UBE2J2: variants seen among roughly 807,000 people sequenced by gnomAD.
The protein encoded by UBE2J2 is ubiquitin conjugating enzyme E2 J2.
In UBE2J2, 5 loss-of-function variants were observed where a neutral mutation model predicts 28.6. The ratio of observed to expected loss-of-function variants is 0.17; its 90% CI spans 0.09 to 0.37. The LOEUF (loss-of-function observed/expected upper bound fraction) is 0.37, where lower values mean the gene tolerates loss of function less well. UBE2J2 is among the 10% of genes least tolerant of loss of function. UBE2J2 has a pLI of 1.00. For missense variants in UBE2J2, 226 were observed against 338.9 expected (o/e 0.67, Z 2.62); for synonymous variants, 138 against 139.7 (o/e 0.99, Z 0.09).
At chr1:1,265,577 GTGTGTGTGTGTGTGTTT>G (rs1425441650) in intron 2 of UBE2J2, among the ~76,000 whole-genome samples, 1 of 150,366 alleles carries the variant, frequency 6.7e-6, no homozygotes, top group Non-Finnish European at 1.5e-5. Flanking sequence ...GTGTGTGTGT[GTGTGTGTGTGTGTGTTT>G]TCTCTCCATT....
At position 1,256,320 on chromosome 1, in the gene UBE2J2, A is replaced by G. The variant is rs1639168985; in HGVS notation, c.415-195T>C. The G allele has an allele frequency of 1.7e-5, 9 of 526,578 alleles. No individual in the cohort carries two copies. The South Asian group carries it at 2.0e-4, about 12-fold the overall frequency. The allele number at this position is 526,578 out of a possible 1,614,324, so 32.6% of individuals were successfully genotyped here. A position where few individuals can be genotyped will look rare whatever the true frequency, so the allele number is the denominator to read the frequency against. ...CTTCCCCCCATCAATTCATGATATC[A>G]CACTTGATTCCTATTAAAGACAGGG... On this transcript the variant is annotated intron_variant, in intron 5 of 6. Coordinates refer to ENST00000349431, the MANE Select transcript of UBE2J2 (RefSeq NM_058167.3).
At chr1:1,259,947 CGT>C (rs1491410452) in intron 3 of UBE2J2, among the ~76,000 whole-genome samples, 2 of 152,242 alleles carry the variant, frequency 1.3e-5, no homozygotes, top group Non-Finnish European at 2.9e-5. Context: ...GCCTCCCGCA[CGT>C]GTTTCCCTCG....
At chr1:1,263,101 T>C in intron 3 of UBE2J2, 3 of 476,948 alleles carry the variant, frequency 6.3e-6, no homozygotes, top group South Asian at 2.5e-5. Flanking sequence ...GCTATGGCCC[T>C]ATGGTGTCAG....
Position 1,267,611 on chromosome 1 carries a change from C to T in UBE2J2, c.131+251G>A, listed in dbSNP as rs553402418. The T allele has an allele frequency of 4.0e-5, 39 of 963,566 alleles. No homozygotes were observed. The East Asian group carries it at 1.3e-3, about 33-fold the overall frequency. 59.7% of individuals were successfully genotyped at this position (963,566 alleles called of 1,614,324 possible). On this transcript the variant is annotated intron_variant, in intron 2 of 6. Transcript: ENST00000349431. ...ACCTGGACCCCGCCCCCCTCAAGGGCCCCACACCGGAGATTCTCTCCAGCC... is the reference window on the plus strand; with the variant it reads ...ACCTGGACCCCGCCCCCCTCAAGGGTCCCACACCGGAGATTCTCTCCAGCC...
chr1:1,272,699 C>G (rs1425983771), intron 1 of UBE2J2, among the ~76,000 whole-genome samples: 5 of 152,086 alleles, frequency 3.3e-5, no homozygotes, highest in Non-Finnish European at 2.9e-5. Flanking sequence ...ACCTGCCTGG[C>G]TCACCTGCCT....
intron 3 of UBE2J2, among the ~76,000 whole-genome samples, chr1:1,260,348 G>A (rs527762438): frequency 2.0e-5 from 3 of 152,346 alleles, no homozygotes; most frequent in Admixed American, 6.5e-5. Flanking sequence ...TGTTTAGCTC[G>A]GTGCTAATGG....
At chr1:1,265,109 AATG>A (rs1464375853) in intron 2 of UBE2J2, among the ~76,000 whole-genome samples, 2 of 152,170 alleles carry the variant, frequency 1.3e-5, no homozygotes, top group Non-Finnish European at 2.9e-5. Flanking sequence ...ACTGGGAAGA[AATG>A]AAGAAGTCAT....
intron 5 of UBE2J2, 89 bp downstream of exon 5, chr1:1,256,903 A>T: frequency 8.6e-7 from 1 of 1,158,788 alleles, no homozygotes; most frequent in Non-Finnish European, 1.1e-6. Flanking sequence ...AAAAAAAAAA[A>T]AAAAAAAAGG....
At chr1:1,260,217 C>A (rs1639475227) in intron 3 of UBE2J2, among the ~76,000 whole-genome samples, 1 of 152,176 alleles carries the variant, frequency 6.6e-6, no homozygotes, top group Admixed American at 6.5e-5. Flanking sequence ...AGAGGCGAAG[C>A]CCAGGAATGA....
At chr1:1,260,762 G>A (rs1639509290) in intron 3 of UBE2J2, among the ~76,000 whole-genome samples, 2 of 152,172 alleles carry the variant, frequency 1.3e-5, no homozygotes, top group Non-Finnish European at 2.9e-5. Flanking sequence ...TCATCACTGG[G>A]GTAAGTCTTG....
At chr1:1,255,693 G>C (rs547877006) in intron 6 of UBE2J2, among the ~76,000 whole-genome samples, 5 of 152,332 alleles carry the variant, frequency 3.3e-5, no homozygotes, top group African/African-American at 1.2e-4. Flanking sequence ...AGGCAGACCA[G>C]AGCAAGGCTG....
chr1:1,269,277 G>C (rs977101254), intron 1 of UBE2J2, among the ~76,000 whole-genome samples: 5 of 143,488 alleles, frequency 3.5e-5, no homozygotes, highest in Admixed American at 2.8e-4. Context: ...GAGGAGGCTG[G>C]ATCAGGGACC....
intron 3 of UBE2J2, 97 bp from the exon 4 acceptor site, chr1:1,257,407 C>CGCCCCCCCCG: frequency 1.8e-6 from 1 of 554,638 alleles, no homozygotes; most frequent in African/African-American, 5.7e-5. Context: ...CCCCCCCCCC[C>CGCCCCCCCCG]CTCAGCTCGG....
chr1:1,273,459 T>C (rs951616146), intron 1 of UBE2J2: 5 of 151,220 alleles, frequency 3.3e-5, no homozygotes, highest in Non-Finnish European at 5.9e-5. Context: ...GTCCCCGACA[T>C]GACCCTGACC....
intron 6 of UBE2J2, 99 bp downstream of exon 6, chr1:1,255,946 G>C: frequency 1.1e-6 from 1 of 887,290 alleles, no homozygotes; most frequent in Non-Finnish European, 1.9e-6. Flanking sequence ...CCCCTGGGGA[G>C]GTCTGCAGCT....
intron 3 of UBE2J2, 39 bp from the exon 4 acceptor site, chr1:1,257,349 C>A: frequency 7.3e-7 from 1 of 1,368,116 alleles, no homozygotes; most frequent in South Asian, 1.2e-5. Context: ...TGTCGTCCGC[C>A]ACAGCAGGGG....
rs1340566404 is a variant in UBE2J2, at chr1:1,273,781, T to G, written c.-116A>C. Reference sequence around the variant, plus strand: ...CGAAACAGCCGCACCGCCCCGGGATTGGGCCCACCGAACCCGCCGCAGCGC... The same window carrying G: ...CGAAACAGCCGCACCGCCCCGGGATGGGGCCCACCGAACCCGCCGCAGCGC... On this transcript the variant is annotated 5_prime_UTR_variant, in exon 1 of 7. Transcript: ENST00000349431. The G allele has an allele frequency of 2.6e-5, 4 of 152,366 alleles. No individual in the cohort carries two copies. Among genetic ancestry groups the G allele is most frequent in the African/African-American group, 9.7e-5 (4 of 41,034 alleles). The allele number at this position is 152,366 out of a possible 1,614,324, so 9.4% of individuals were successfully genotyped here. A position where few individuals can be genotyped will look rare whatever the true frequency, so the allele number is the denominator to read the frequency against.
At chr1:1,258,734 A>C (rs1369889606) in intron 3 of UBE2J2, among the ~76,000 whole-genome samples, 1 of 151,866 alleles carries the variant, frequency 6.6e-6, no homozygotes, top group Non-Finnish European at 1.5e-5. Flanking sequence ...TATCACACCC[A>C]CTCCATGAGC....
intron 3 of UBE2J2, among the ~76,000 whole-genome samples, chr1:1,261,800 C>T (rs551949017): frequency 2.0e-5 from 3 of 151,960 alleles, no homozygotes; most frequent in South Asian, 4.2e-4. Context: ...GGCCCCACCA[C>T]CACGCCCAGC....
Sources: gnomAD v4.1 joint callset for allele counts (sites outside exome capture counted in the v4.1 genomes callset) on GRCh38, gnomAD v4.1.1 for gene constraint, MANE v1.5 for transcripts, NCBI Gene and HGNC (gene_info 2026-07-23, HGNC 2026-07-21) for gene names.